The following ENPP3 variants were observed in gnomAD, a reference collection of about 807,000 sequenced individuals.
ENPP3 encodes ectonucleotide pyrophosphatase/phosphodiesterase family member 3.
In ENPP3, 104 loss-of-function variants were observed where a neutral mutation model predicts 117.8. The observed-to-expected ratio is 0.88, with a 90% CI of 0.75 to 1.04. The LOEUF (loss-of-function observed/expected upper bound fraction) is 1.04. Among genes scored for constraint, ENPP3 ranks in the 50% least tolerant of loss-of-function variants. ENPP3 has a pLI of 0.00. For synonymous variants in ENPP3, 380 were observed against 349.9 expected, an observed-to-expected ratio of 1.09 and a Z score of -0.96; for missense variants, 1,026 against 1,051.9, an observed-to-expected ratio of 0.98 and a Z score of 0.34.
At chr6:131,730,868 T>C (rs1343630982) in intron 20 of ENPP3, among the ~76,000 whole-genome samples, 1 of 151,370 alleles carries the variant, frequency 6.6e-6, no homozygotes, top group African/African-American at 2.4e-5. Flanking sequence ...TGAGCCAAGA[T>C]TGTGCCATTG....
intron 14 of ENPP3, among the ~76,000 whole-genome samples, chr6:131,690,381 T>C (rs1779251751): frequency 6.6e-6 from 1 of 152,172 alleles, no homozygotes. Context: ...GCCATCAACA[T>C]TGAAGCAAGG....
At chr6:131,744,644 G>T (rs916111226) in intron 24 of ENPP3, among the ~76,000 whole-genome samples, 15 of 152,190 alleles carry the variant, frequency 9.9e-5, no homozygotes, top group South Asian at 8.3e-4. Flanking sequence ...CAAAGTAGTT[G>T]CATTAGCATG....
intron 12 of ENPP3, 31 bp downstream of exon 12, chr6:131,683,193 C>A: frequency 8.7e-7 from 1 of 1,144,498 alleles, no homozygotes; most frequent in Non-Finnish European, 1.3e-6. Context: ...CTTATTTTAT[C>A]ATTGACTATA....
intron 2 of ENPP3, 30 bp downstream of exon 2, chr6:131,641,560 T>A: frequency 7.3e-7 from 1 of 1,368,256 alleles, no homozygotes; most frequent in Non-Finnish European, 1.0e-6. Flanking sequence ...CTCAGAACAT[T>A]CCCTTATTTC....
At chr6:131,726,018 T>G (rs778915073) in intron 19 of ENPP3, 28 bp from the exon 20 acceptor site, 10 of 1,564,348 alleles carry the variant, frequency 6.4e-6, no homozygotes, top group Non-Finnish European at 8.8e-6. Flanking sequence ...TTCATGAACC[T>G]TTTTATTTTA....
chr6:131,641,799 G>GCTTTTTTTTTTTTTTTTTTTTTTTTTTTT (rs1778048127), intron 2 of ENPP3, among the ~76,000 whole-genome samples: 1 of 64,052 alleles, frequency 1.6e-5, no homozygotes, highest in Non-Finnish European at 2.5e-5. Context: ...CTCCACCCTG[G>GCTTTTTTTTTTTTTTTTTTTTTTTTTTTT]TTTTTTTTTT....
rs1267562307 is a variant in ENPP3, at chr6:131,658,419, G to C, written c.561G>C (p.Leu187=). The C allele has an allele frequency of 1.4e-6, 2 of 1,477,622 alleles. No homozygotes were observed. Among genetic ancestry groups the C allele is most frequent in the African/African-American group, 2.8e-5 (2 of 72,238 alleles). 91.5% of individuals were successfully genotyped at this position (1,477,622 alleles called of 1,614,324 possible). ...CTTTAATGCCAAATATCAATAAACT[G>C]AGTAAGTCTTCTGTAACTAGTGGCA... ...WDTLMPNINK[L]KTCGIHSKYM... Residue 187 remains leucine (L), a splice_region_variant and synonymous_variant, in exon 6 of 25, where the codon CTG becomes CTC. Transcript: ENST00000357639.
intron 3 of ENPP3, among the ~76,000 whole-genome samples, chr6:131,652,076 G>A (rs1778275254): frequency 6.6e-6 from 1 of 152,224 alleles, no homozygotes; most frequent in Non-Finnish European, 1.5e-5. Flanking sequence ...TGTCACTGCT[G>A]TCACTTTCCA....
chr6:131,688,653 GC>G (rs1395227016), intron 14 of ENPP3, among the ~76,000 whole-genome samples: 1 of 152,170 alleles, frequency 6.6e-6, no homozygotes, highest in East Asian at 1.9e-4. Context: ...CTAATTCAGA[GC>G]AAGACGCTAA....
At chr6:131,697,035 G>C (rs1402327372) in intron 15 of ENPP3, among the ~76,000 whole-genome samples, 1 of 152,100 alleles carries the variant, frequency 6.6e-6, no homozygotes, top group Non-Finnish European at 1.5e-5. Flanking sequence ...TCCCAGTGCC[G>C]GGATTACAGG....
intron 6 of ENPP3, among the ~76,000 whole-genome samples, chr6:131,666,965 G>A (rs939607011): frequency 6.6e-6 from 1 of 152,126 alleles, no homozygotes; most frequent in East Asian, 1.9e-4. Flanking sequence ...AGTGTCTAGA[G>A]TATGCTAGGT....
At chr6:131,730,614 T>C (rs1201103549) in intron 20 of ENPP3, among the ~76,000 whole-genome samples, 1 of 152,208 alleles carries the variant, frequency 6.6e-6, no homozygotes, top group Non-Finnish European at 1.5e-5. Flanking sequence ...AAATAATTTT[T>C]CTTCAAAATT....
chr6:131,685,789 G>GT, intron 13 of ENPP3, 87 bp from the exon 14 acceptor site: 1 of 681,268 alleles, frequency 1.5e-6, no homozygotes. Flanking sequence ...ATAAGTGAAT[G>GT]TATCAAATTC....
intron 15 of ENPP3, among the ~76,000 whole-genome samples, chr6:131,717,417 G>A (rs1167645647): frequency 6.8e-6 from 1 of 147,972 alleles, no homozygotes; most frequent in African/African-American, 2.5e-5. Context: ...TTTGCCCTTG[G>A]GGTGAGAGGT....
intron 15 of ENPP3, among the ~76,000 whole-genome samples, chr6:131,716,365 A>G (rs966511694): frequency 1.3e-5 from 2 of 152,180 alleles, no homozygotes; most frequent in African/African-American, 4.8e-5. Context: ...TTTTCAAACA[A>G]TATTTTAATA....
At chr6:131,731,686 C>T (rs963431194) in intron 20 of ENPP3, among the ~76,000 whole-genome samples, 5 of 152,166 alleles carry the variant, frequency 3.3e-5, no homozygotes, top group African/African-American at 1.2e-4. Context: ...ACTCCAAGTT[C>T]TACCCTTCTG....
intron 24 of ENPP3, among the ~76,000 whole-genome samples, chr6:131,746,539 A>G (rs1370212608): frequency 6.6e-6 from 1 of 152,164 alleles, no homozygotes; most frequent in Non-Finnish European, 1.5e-5. Flanking sequence ...TAATTTCATT[A>G]AAAAAATTAC....
intron 15 of ENPP3, among the ~76,000 whole-genome samples, chr6:131,711,957 G>A (rs563703210): frequency 7.7e-6 from 1 of 130,092 alleles, no homozygotes; most frequent in Admixed American, 7.8e-5. Flanking sequence ...TAGTATAATG[G>A]TCTTACATCC....
rs1374442783 is a variant in ENPP3 at position 131,664,052 on chromosome 6, A to G, written c.562+5632A>G. 2.0e-5 allele frequency among the ~76,000 whole-genome samples: 3 copies of G among 152,196 alleles called. No individual in the cohort carries two copies. The East Asian group carries it at 5.8e-4, about 29-fold the overall frequency. On this transcript the variant is annotated intron_variant, in intron 6 of 24. Transcript: ENST00000357639. ...CTTATACTATACTTATACTTTGTAC[A>G]TTATTTTAGAGTGTACTACTACTTA...
Sources: gnomAD v4.1 joint callset for allele counts (sites outside exome capture counted in the v4.1 genomes callset) on GRCh38, gnomAD v4.1.1 for gene constraint, MANE v1.5 for transcripts, NCBI Gene and HGNC (gene_info 2026-07-23, HGNC 2026-07-21) for gene names.